The following GRM7 variants were observed in gnomAD, a reference collection of about 807,000 sequenced individuals.
GRM7 encodes the protein metabotropic glutamate receptor 7.
Under a neutral mutation model 84.5 loss-of-function variants are expected in GRM7, and 35 were observed. The ratio of observed to expected loss-of-function variants is 0.41; its 90% CI spans 0.32 to 0.55. The LOEUF is 0.55. Ranked by LOEUF, GRM7 falls within the 20% of genes least tolerant of loss-of-function variation. The pLI, the probability that GRM7 is intolerant of heterozygous loss-of-function variation, is 0.19. For missense variants in GRM7, 1,003 were observed against 1,194.6 expected (o/e 0.84, Z 2.36); for synonymous variants, 487 against 455.1 (o/e 1.07, Z -0.89).
At chr3:6,926,363 T>C (rs1575022802) in intron 1 of GRM7, among the ~76,000 whole-genome samples, 1 of 152,182 alleles carries the variant, frequency 6.6e-6, no homozygotes, top group Non-Finnish European at 1.5e-5. Flanking sequence ...AATAGAAATA[T>C]AGTGTTTTAA....
intron 9 of GRM7, among the ~76,000 whole-genome samples, chr3:7,716,299 C>T (rs1035802426): frequency 2.0e-5 from 3 of 152,202 alleles, no homozygotes; most frequent in Non-Finnish European, 2.9e-5. Flanking sequence ...TCCCCACACT[C>T]GTTCCATAAC....
At chr3:7,261,996 C>T (rs548388487) in intron 2 of GRM7, among the ~76,000 whole-genome samples, 1 of 148,788 alleles carries the variant, frequency 6.7e-6, no homozygotes, top group South Asian at 2.2e-4. Context: ...AATATAGGCC[C>T]CCAATCTCTT....
intron 4 of GRM7, among the ~76,000 whole-genome samples, chr3:7,326,040 C>T (rs1048159602): frequency 1.3e-5 from 2 of 149,908 alleles, no homozygotes; most frequent in Non-Finnish European, 3.0e-5. Flanking sequence ...ACCCCTTCTA[C>T]ACCTCCCCGC....
Position 7,123,571 on chromosome 3 carries a change from AT to A in GRM7, c.520-22879del, listed in dbSNP as rs1693296220. Among the ~76,000 whole-genome samples the A allele has an allele frequency of 1.2e-4, 18 of 152,084 alleles. 1 individual carries two copies. Among genetic ancestry groups the A allele is most frequent in the Admixed American group, 1.0e-3 (16 of 15,268 alleles). On this transcript the variant is annotated intron_variant, in intron 1 of 9. Coordinates refer to ENST00000357716, the MANE Select transcript of GRM7 (RefSeq NM_000844.4). ...GAGGCGGAGGTTGCAGTGAACTGAGATTGCCCCACTGTACTCCAGCCTGGGC... is the reference window on the plus strand; with the variant it reads ...GAGGCGGAGGTTGCAGTGAACTGAGATGCCCCACTGTACTCCAGCCTGGGC...
At chr3:7,599,284 A>C (rs1436780495) in intron 8 of GRM7, among the ~76,000 whole-genome samples, 8 of 152,128 alleles carry the variant, frequency 5.3e-5, no homozygotes, top group African/African-American at 1.7e-4. Context: ...AAAATTCAAC[A>C]CTGTGAATTT....
chr3:7,576,941 A>G (rs1694994609), intron 7 of GRM7, among the ~76,000 whole-genome samples: 1 of 152,218 alleles, frequency 6.6e-6, no homozygotes, highest in Admixed American at 6.5e-5. Context: ...AGGGATAGCT[A>G]TATCCAGGAG....
chr3:6,864,739 T>TG (rs907236269), intron 1 of GRM7, among the ~76,000 whole-genome samples: 6 of 152,226 alleles, frequency 3.9e-5, no homozygotes, highest in African/African-American at 1.2e-4. Flanking sequence ...GCGACTTAAA[T>TG]GGGGGGTGCT....
At chr3:7,338,676 C>T in intron 4 of GRM7, among the ~76,000 whole-genome samples, 1 of 151,962 alleles carries the variant, frequency 6.6e-6, no homozygotes, top group East Asian at 1.9e-4. Flanking sequence ...GTGAAAATGT[C>T]TGTATTGAGA....
At chr3:7,729,993 G>A (rs1378612103) in intron 9 of GRM7, among the ~76,000 whole-genome samples, 2 of 148,960 alleles carry the variant, frequency 1.3e-5, no homozygotes, top group African/African-American at 5.0e-5. Context: ...TCCTGCCTCA[G>A]TCTCCCAAGT....
intron 4 of GRM7, among the ~76,000 whole-genome samples, chr3:7,413,712 G>A (rs367587704): frequency 6.6e-6 from 1 of 152,162 alleles, no homozygotes; most frequent in African/African-American, 2.4e-5. Flanking sequence ...AGCTGATACA[G>A]TAAGTTGGTG....
chr3:7,009,558 C>T (rs1469736565), intron 1 of GRM7, among the ~76,000 whole-genome samples: 1 of 152,116 alleles, frequency 6.6e-6, no homozygotes, highest in Non-Finnish European at 1.5e-5. Flanking sequence ...TTCTGGGGGA[C>T]TCTTTCAAAA....
At chr3:7,369,266 C>T (rs1694036883) in intron 4 of GRM7, among the ~76,000 whole-genome samples, 1 of 152,104 alleles carries the variant, frequency 6.6e-6, no homozygotes, top group Non-Finnish European at 1.5e-5. Context: ...GTTTTCCAAG[C>T]TGTTCTTGAA....
chr3:7,203,775 C>T (rs1480935728), intron 2 of GRM7, among the ~76,000 whole-genome samples: 1 of 152,108 alleles, frequency 6.6e-6, no homozygotes, highest in Non-Finnish European at 1.5e-5. Context: ...ATATATTGAA[C>T]ATCTTATGCT....
At chr3:7,493,793 G>T (rs1575414802) in intron 7 of GRM7, among the ~76,000 whole-genome samples, 1 of 151,822 alleles carries the variant, frequency 6.6e-6, no homozygotes, top group Non-Finnish European at 1.5e-5. Context: ...ACATTTTTTA[G>T]GATTCCATCT....
intron 1 of GRM7, among the ~76,000 whole-genome samples, chr3:7,119,228 A>T (rs1693139830): frequency 6.6e-6 from 1 of 152,040 alleles, no homozygotes. Context: ...TTGTTTTCCC[A>T]TATGATACAT....
chr3:7,240,943 G>A (rs1397382985), intron 2 of GRM7, among the ~76,000 whole-genome samples: 1 of 152,114 alleles, frequency 6.6e-6, no homozygotes, highest in African/African-American at 2.4e-5. Flanking sequence ...TGCTGTACAG[G>A]TTTGTAGCCT....
intron 8 of GRM7, among the ~76,000 whole-genome samples, chr3:7,677,638 A>G (rs1422778744): frequency 6.6e-6 from 1 of 152,228 alleles, no homozygotes; most frequent in African/African-American, 2.4e-5. Flanking sequence ...TTTTAAATGA[A>G]AATCAAAGTC....
At chr3:7,574,250 C>T (rs1694847332) in intron 7 of GRM7, among the ~76,000 whole-genome samples, 1 of 151,490 alleles carries the variant, frequency 6.6e-6, no homozygotes, top group African/African-American at 2.4e-5. Flanking sequence ...ATCTCCGCCT[C>T]CCGGGTTCAA....
intron 1 of GRM7, among the ~76,000 whole-genome samples, chr3:7,137,148 T>C (rs2125058999): frequency 6.6e-6 from 1 of 152,216 alleles, no homozygotes; most frequent in East Asian, 1.9e-4. Context: ...TATTTATGTC[T>C]CAAAGGTATA....
Sources: allele counts gnomAD v4.1 joint callset (sites outside exome capture counted in the v4.1 genomes callset), GRCh38; gene constraint gnomAD v4.1.1; transcripts MANE v1.5; gene names NCBI Gene and HGNC (gene_info 2026-07-23, HGNC 2026-07-21).